Variants in GMDS observed in about 807,000 individuals in gnomAD.
GMDS encodes the protein GDP-mannose 4,6 dehydratase.
A neutral mutation model predicts 49.9 loss-of-function variants in GMDS; 20 were observed. The observed-to-expected ratio is 0.40, with a 90% CI of 0.28 to 0.58. GMDS has a LOEUF of 0.58. Among genes scored for constraint, GMDS ranks in the 20% least tolerant of loss-of-function variants. The pLI is 0.42. For synonymous variants in GMDS, 177 were observed against 178.6 expected, an observed-to-expected ratio of 0.99 and a Z score of 0.07; for missense variants, 362 against 481.4, an observed-to-expected ratio of 0.75 and a Z score of 2.32.
At chr6:1,972,598 A>T (rs72841994) in intron 4 of GMDS, among the ~76,000 whole-genome samples, 18,769 of 152,264 alleles carry the variant, frequency 0.12, 1,441 homozygotes, top group East Asian at 0.21. Flanking sequence ...GGATTAAAAA[A>T]TTTTAAAATG....
intron 4 of GMDS, among the ~76,000 whole-genome samples, chr6:2,052,337 G>C (rs572526255): frequency 7.2e-5 from 11 of 152,040 alleles, no homozygotes; most frequent in Admixed American, 2.0e-4. Flanking sequence ...AGTACTTTTA[G>C]CTTTAAAGTC....
chr6:1,822,780 A>G (rs998711404), intron 7 of GMDS, among the ~76,000 whole-genome samples: 11 of 152,324 alleles, frequency 7.2e-5, no homozygotes, highest in African/African-American at 2.6e-4. Context: ...AGAAGTAAAA[A>G]CTTCAGTGAA....
intron 4 of GMDS, among the ~76,000 whole-genome samples, chr6:2,040,401 G>A (rs181522453): frequency 2.6e-5 from 4 of 152,330 alleles, no homozygotes; most frequent in Admixed American, 2.6e-4. Context: ...ATCAGTGACT[G>A]TGGGAAATTA....
Position 1,766,299 on chromosome 6 carries a change from C to T in GMDS, c.772-23713G>A, listed in dbSNP as rs757614341. Among the ~76,000 whole-genome samples the T allele has an allele frequency of 2.6e-5, 4 of 152,094 alleles. No individual in the cohort carries two copies. The highest frequency in any genetic ancestry group is 4.4e-5 in the Non-Finnish European group (3 of 68,024). On this transcript the variant is annotated intron_variant, in intron 7 of 10. Transcript: ENST00000380815. This position sits in a 1 kb window ranked among gnomAD's most constrained non-coding sequence, Gnocchi z 4.5. ...ACAGGAGCAAAGACCACAGAACTTT[C>T]GAGGCAGCAGATTCATTTGGGCTTC...
intron 7 of GMDS, among the ~76,000 whole-genome samples, chr6:1,909,518 C>T (rs1427925590): frequency 2.0e-5 from 3 of 152,144 alleles, no homozygotes; most frequent in Non-Finnish European, 4.4e-5. Flanking sequence ...GTGTAAGCTG[C>T]CCTCCTTTTG....
At chr6:2,004,333 T>A (rs1767022439) in intron 4 of GMDS, among the ~76,000 whole-genome samples, 1 of 152,170 alleles carries the variant, frequency 6.6e-6, no homozygotes, top group Non-Finnish European at 1.5e-5. Context: ...ATGGAGGCCA[T>A]CAAGACGCCG....
intron 9 of GMDS, among the ~76,000 whole-genome samples, chr6:1,673,592 T>C (rs1367137205): frequency 1.3e-5 from 2 of 152,142 alleles, no homozygotes; most frequent in Non-Finnish European, 2.9e-5. Flanking sequence ...GTTCACTCCA[T>C]GGCATGAGTC....
chr6:1,629,712 G>A (rs577327606), intron 9 of GMDS, among the ~76,000 whole-genome samples: 1 of 152,306 alleles, frequency 6.6e-6, no homozygotes, highest in African/African-American at 2.4e-5. Context: ...CGGACGTGCG[G>A]TCCAGTCCTC....
intron 7 of GMDS, among the ~76,000 whole-genome samples, chr6:1,855,854 T>C (rs1171212087): frequency 6.6e-6 from 1 of 152,212 alleles, no homozygotes; most frequent in African/African-American, 2.4e-5. Flanking sequence ...ACCTTCTCTT[T>C]TCTATCTGCT....
chr6:1,685,224 C>T (rs1483742556), intron 9 of GMDS, among the ~76,000 whole-genome samples: 1 of 151,998 alleles, frequency 6.6e-6, no homozygotes, highest in Non-Finnish European at 1.5e-5. Context: ...TGGTGAGACC[C>T]CCGTCTCTAC....
chr6:2,167,510 T>C (rs1000265891), intron 1 of GMDS, among the ~76,000 whole-genome samples: 3 of 152,084 alleles, frequency 2.0e-5, no homozygotes, highest in African/African-American at 7.2e-5. Context: ...CTTTCAAAAT[T>C]CAAATCTCAT....
chr6:1,833,112 G>A lies in GMDS; in HGVS notation c.772-90526C>T, dbSNP rs1223954109. Among the ~76,000 whole-genome samples, 2 of 150,962 alleles carry A rather than the reference G, an allele frequency of 1.3e-5. No homozygotes were observed. Among genetic ancestry groups the A allele is most frequent in the Admixed American group, 6.7e-5 (1 of 14,964 alleles). ...CCTGTGCCCAGCTCACCCGGCAGTG[G>A]AGCGTATGAAAGCCTTTTTTTTTTT... On this transcript the variant is annotated intron_variant, in intron 7 of 10. Coordinates refer to ENST00000380815, the MANE Select transcript of GMDS (RefSeq NM_001500.4). The surrounding 1 kb of genome is among the most constrained non-coding windows in gnomAD (Gnocchi z 4.4).
chr6:2,104,329 T>C (rs1327891865), intron 4 of GMDS, among the ~76,000 whole-genome samples: 1 of 152,250 alleles, frequency 6.6e-6, no homozygotes, highest in South Asian at 2.1e-4. Flanking sequence ...CGTTCTCCTA[T>C]ATTCTTGTGT....
intron 9 of GMDS, among the ~76,000 whole-genome samples, chr6:1,642,818 A>G (rs1763371385): frequency 6.6e-6 from 1 of 152,220 alleles, no homozygotes; most frequent in South Asian, 2.1e-4. Context: ...CAAGTCCAAC[A>G]GGAAGATCAG....
At chr6:1,864,044 T>A (rs1281065909) in intron 7 of GMDS, among the ~76,000 whole-genome samples, 1 of 152,202 alleles carries the variant, frequency 6.6e-6, no homozygotes, top group East Asian at 1.9e-4. Context: ...TTTCATTTAT[T>A]TAAGTTTTGT....
At chr6:2,126,428 G>C (rs1004835310) in intron 1 of GMDS, among the ~76,000 whole-genome samples, 1 of 149,708 alleles carries the variant, frequency 6.7e-6, no homozygotes, top group African/African-American at 2.5e-5. Flanking sequence ...AGATATTCCA[G>C]GGGGAAAAAA....
intron 7 of GMDS, among the ~76,000 whole-genome samples, chr6:1,873,863 C>A (rs1418561368): frequency 6.6e-6 from 1 of 152,168 alleles, no homozygotes; most frequent in Non-Finnish European, 1.5e-5. Context: ...CCAACCTCTA[C>A]CAAAGCACCA....
chr6:2,159,407 T>C (rs1777270829), intron 1 of GMDS, among the ~76,000 whole-genome samples: 1 of 152,028 alleles, frequency 6.6e-6, no homozygotes, highest in Admixed American at 6.5e-5. Context: ...TTATGATAGA[T>C]TTGTGTATAT....
Position 1,900,745 on chromosome 6 carries a change from G to A in GMDS, c.771+29358C>T, listed in dbSNP as rs189875763. On this transcript the variant is annotated intron_variant, in intron 7 of 10. Coordinates refer to ENST00000380815, the MANE Select transcript of GMDS (RefSeq NM_001500.4). ...TCATTTTACTTCATTCTGGCTCTCC[G>A]ACACTGGATAAATCAGTGACTTATT... Among the ~76,000 whole-genome samples, 16 of 152,262 alleles carry A rather than the reference G, an allele frequency of 1.1e-4. No homozygotes were observed. In the East Asian group the frequency reaches 2.5e-3, roughly 24 times the overall value.
Sources: gnomAD v4.1 joint callset for allele counts (sites outside exome capture counted in the v4.1 genomes callset) on GRCh38, gnomAD v4.1.1 for gene constraint, Gnocchi (gnomAD v3.1) non-coding constraint, MANE v1.5 for transcripts, NCBI Gene and HGNC (gene_info 2026-07-23, HGNC 2026-07-21) for gene names.